The following PTPRN2 variants were observed in gnomAD, a reference collection of about 807,000 sequenced individuals.
PTPRN2 encodes the protein protein tyrosine phosphatase receptor type N2, also known as receptor-type tyrosine-protein phosphatase N2.
PTPRN2 carries 74 observed loss-of-function variants against 118.8 expected under a neutral mutation model. The ratio of observed to expected loss-of-function variants is 0.62; its 90% CI spans 0.52 to 0.76. PTPRN2 has a LOEUF of 0.76. PTPRN2 is among the 30% of genes least tolerant of loss of function. The pLI, the probability that PTPRN2 is intolerant of heterozygous loss-of-function variation, is 0.00. For synonymous variants in PTPRN2, 641 were observed against 608.0 expected (o/e 1.05, Z -0.80); for missense variants, 1,481 against 1,394.4 (o/e 1.06, Z -0.99).
At chr7:158,325,203 C>T (rs907986815) in intron 2 of PTPRN2, among the ~76,000 whole-genome samples, 20 of 152,334 alleles carry the variant, frequency 1.3e-4, no homozygotes, top group African/African-American at 4.8e-4. Context: ...CACAGGGGGT[C>T]CCCCAGCCAG....
intron 12 of PTPRN2, among the ~76,000 whole-genome samples, chr7:157,832,772 A>G (rs1807651658): frequency 6.6e-6 from 1 of 152,208 alleles, no homozygotes. Flanking sequence ...CTTGGCCCAA[A>G]ATATTTCAGT....
At chr7:157,918,789 C>A (rs10249001) in intron 11 of PTPRN2, among the ~76,000 whole-genome samples, 119,157 of 152,202 alleles carry the variant, frequency 0.78, 47,015 homozygotes, top group African/African-American at 0.86. Context: ...AAATAAACAT[C>A]GAAATTAATA....
At chr7:158,478,026 G>A (rs575672128) in intron 2 of PTPRN2, among the ~76,000 whole-genome samples, 4 of 152,360 alleles carry the variant, frequency 2.6e-5, no homozygotes, top group South Asian at 2.1e-4. Flanking sequence ...GGACAGGACC[G>A]AGAGCCTGTG....
chr7:158,061,304 G>A (rs1321727323), intron 11 of PTPRN2, among the ~76,000 whole-genome samples: 4 of 152,234 alleles, frequency 2.6e-5, no homozygotes, highest in African/African-American at 9.6e-5. Context: ...AACAAGGGGA[G>A]GACTGAGTCC....
intron 5 of PTPRN2, among the ~76,000 whole-genome samples, chr7:158,186,229 T>C (rs984121669): frequency 3.9e-4 from 59 of 152,346 alleles, no homozygotes; most frequent in Middle Eastern, 3.4e-3. Flanking sequence ...AGCTGTGGTC[T>C]CCTCTCCTTG....
intron 2 of PTPRN2, among the ~76,000 whole-genome samples, chr7:158,383,635 A>T (rs1368368944): frequency 6.6e-6 from 1 of 152,250 alleles, no homozygotes; most frequent in African/African-American, 2.4e-5. Context: ...AGTCAAGATA[A>T]AACTAAAGTC....
intron 12 of PTPRN2, among the ~76,000 whole-genome samples, chr7:157,709,948 C>A (rs569173081): frequency 1.1e-4 from 16 of 152,300 alleles, no homozygotes; most frequent in African/African-American, 3.8e-4. Context: ...AAGGAGTTTC[C>A]CTCACTTAGC....
In PTPRN2 at chr7:157,801,423, T is replaced by C. The variant is rs1805295307; in HGVS notation, c.1788+97250A>G. Among the ~76,000 whole-genome samples the C allele has an allele frequency of 6.6e-6, 1 of 152,082 alleles. No homozygotes were observed. Among genetic ancestry groups the C allele is most frequent in the Admixed American group, 6.6e-5 (1 of 15,264 alleles). ...GGCTCTGCATCACGAGAGTGCTGCG[T>C]TAACCCAGGTGCGGGGGATATTATC... On this transcript the variant is annotated intron_variant, in intron 12 of 22. Transcript: ENST00000389418. The surrounding 1 kb of genome is among the most constrained non-coding windows in gnomAD (Gnocchi z 4.2).
chr7:158,333,926 C>A (rs1805045250), intron 2 of PTPRN2, among the ~76,000 whole-genome samples: 1 of 133,332 alleles, frequency 7.5e-6, no homozygotes, highest in African/African-American at 2.9e-5. Context: ...CACCCACACT[C>A]TCACCATAAG....
chr7:157,620,603 C>T (rs1803104961), intron 15 of PTPRN2, among the ~76,000 whole-genome samples: 1 of 152,214 alleles, frequency 6.6e-6, no homozygotes, highest in Non-Finnish European at 1.5e-5. Context: ...GACGTGGAGG[C>T]TCCAAGAGGT....
At chr7:157,839,273 C>T (rs939587858) in intron 12 of PTPRN2, among the ~76,000 whole-genome samples, 3 of 152,232 alleles carry the variant, frequency 2.0e-5, no homozygotes, top group Non-Finnish European at 2.9e-5. Context: ...AATGTATGTG[C>T]ATGACTGTGA....
At chr7:158,068,216 C>T (rs1810930447) in intron 11 of PTPRN2, among the ~76,000 whole-genome samples, 1 of 152,224 alleles carries the variant, frequency 6.6e-6, no homozygotes, top group South Asian at 2.1e-4. Context: ...CCTGTCACTC[C>T]TTCAACATGA....
At chr7:157,704,663 T>C (rs1263975308) in intron 12 of PTPRN2, among the ~76,000 whole-genome samples, 2 of 152,068 alleles carry the variant, frequency 1.3e-5, no homozygotes, top group Non-Finnish European at 2.9e-5. Context: ...TTTCTTTCCT[T>C]CTCAGCACCT....
chr7:157,656,267 G>T, intron 14 of PTPRN2, 90 bp downstream of exon 14: 1 of 1,343,000 alleles, frequency 7.4e-7, no homozygotes, highest in Non-Finnish European at 1.0e-6. Context: ...AGTCCCCGAG[G>T]GTCAGCGGGC....
chr7:158,071,440 TGGA>T (rs1414678206), intron 11 of PTPRN2, among the ~76,000 whole-genome samples: 2 of 101,728 alleles, frequency 2.0e-5, no homozygotes, highest in African/African-American at 8.9e-5. Context: ...CTCGTGGTGG[TGGA>T]GGTGCTCGTG....
chr7:158,136,639 A>G lies in PTPRN2; in HGVS notation c.1173+16T>C, dbSNP rs758499433. On this transcript the variant is annotated intron_variant, in intron 8 of 22. Transcript: ENST00000389418. ...CCACATTTAACATGAAACAAACACC[A>G]GAGACGTCATCTTACCTCTTGGTAA... 4 of 1,610,648 alleles carry G rather than the reference A, an allele frequency of 2.5e-6. No homozygotes were observed. The highest frequency in any genetic ancestry group is 2.5e-6 in the Non-Finnish European group (3 of 1,176,930).
chr7:157,661,113 T>A (rs1206016168), intron 13 of PTPRN2, among the ~76,000 whole-genome samples: 1 of 152,242 alleles, frequency 6.6e-6, no homozygotes, highest in African/African-American at 2.4e-5. Context: ...GGTGGCTCAG[T>A]GCCCAGTGGC....
intron 12 of PTPRN2, among the ~76,000 whole-genome samples, chr7:157,781,082 G>A (rs936822921): frequency 6.6e-6 from 1 of 152,174 alleles, no homozygotes; most frequent in Non-Finnish European, 1.5e-5. Flanking sequence ...TCCCCTCTGC[G>A]GAACAAGACA....
At chr7:157,863,348 G>A (rs1810384628) in intron 12 of PTPRN2, 1 of 152,224 alleles carries the variant, frequency 6.6e-6, no homozygotes, top group African/African-American at 2.4e-5. Flanking sequence ...CAATGCCCCA[G>A]TGCAGAGTGG....
Sources: gnomAD v4.1 joint callset for allele counts (sites outside exome capture counted in the v4.1 genomes callset) on GRCh38, gnomAD v4.1.1 for gene constraint, Gnocchi (gnomAD v3.1) non-coding constraint, MANE v1.5 for transcripts, NCBI Gene and HGNC (gene_info 2026-07-23, HGNC 2026-07-21) for gene names.